Variants in PSMD14 observed in about 807,000 individuals in gnomAD.
PSMD14 encodes the protein ubiquitin C-terminal hydrolase PSMD14.
A neutral mutation model predicts 41.2 loss-of-function variants in PSMD14; 7 were observed. The ratio of observed to expected loss-of-function variants is 0.17; its 90% CI spans 0.10 to 0.32. The LOEUF is 0.32. Ranked by LOEUF, PSMD14 falls within the 10% of genes least tolerant of loss-of-function variation. The pLI is 1.00. For synonymous variants in PSMD14, 114 were observed against 122.3 expected (o/e 0.93, Z 0.45); for missense variants, 139 against 375.6 (o/e 0.37, Z 5.21).
At position 161,318,739 on chromosome 2, in the gene PSMD14, T is replaced by A. The variant is rs1689171636; in HGVS notation, c.-4-83T>A. On this transcript the variant is annotated intron_variant, in intron 2 of 11. Coordinates refer to ENST00000409682, the MANE Select transcript of PSMD14 (RefSeq NM_005805.6). ...CCACCAATATTTTTGACATACTGAG[T>A]GACTGAAGGTGAATTATATAGATAG... 1.9e-5 allele frequency: 19 copies of A among 1,025,396 alleles called. No individual in the cohort carries two copies. In the South Asian group the frequency reaches 2.5e-4, roughly 13 times the overall value. 63.5% of individuals were successfully genotyped at this position (1,025,396 alleles called of 1,614,324 possible).
At position 161,411,405 on chromosome 2, in the gene PSMD14, A is replaced by G; in HGVS notation, c.*5A>G. The G allele has an allele frequency of 1.3e-6, 2 of 1,581,042 alleles. No homozygotes were observed. Among genetic ancestry groups the G allele is most frequent in the Non-Finnish European group, 1.7e-6 (2 of 1,154,502 alleles). On this transcript the variant is annotated 3_prime_UTR_variant, in exon 12 of 12. Coordinates refer to ENST00000409682, the MANE Select transcript of PSMD14 (RefSeq NM_005805.6). ...GATACTGTCGTATTTAAATAAAGCA[A>G]CGAAAAACGCTATTAATGATGCCTT...
At chr2:161,395,963 C>T (rs1218532932) in intron 10 of PSMD14, among the ~76,000 whole-genome samples, 1 of 152,164 alleles carries the variant, frequency 6.6e-6, no homozygotes, top group African/African-American at 2.4e-5. Context: ...GTTAGAAATG[C>T]AGACTTTCAG....
intron 3 of PSMD14, among the ~76,000 whole-genome samples, chr2:161,322,287 C>T (rs1682619029): frequency 6.6e-6 from 1 of 152,072 alleles, no homozygotes; most frequent in Admixed American, 6.6e-5. Context: ...TATGTTGTTT[C>T]CAAGAGACAT....
intron 4 of PSMD14, 96 bp from the exon 5 acceptor site, chr2:161,367,688 A>G (rs1683378025): frequency 8.0e-7 from 1 of 1,255,690 alleles, no homozygotes; most frequent in East Asian, 2.6e-5. Flanking sequence ...AGGAGTTTTT[A>G]TTTTCACTGG....
rs1467217466 is a variant in PSMD14 at position 161,309,006 on chromosome 2, C to T, written c.-138+402C>T. On this transcript the variant is annotated intron_variant, in intron 1 of 11. Coordinates refer to ENST00000409682, the MANE Select transcript of PSMD14 (RefSeq NM_005805.6). ...TTCCCATTGAATACGTTTGTTTTAT[C>T]TCTTGTCCTTCCTGTAAGCCTTAAC... is the stretch of plus-strand genomic sequence containing the variant. Among the ~76,000 whole-genome samples, 6 of 152,288 alleles carry T rather than the reference C, an allele frequency of 3.9e-5. No homozygotes were observed. In the South Asian group the frequency reaches 1.2e-3, roughly 32 times the overall value.
At chr2:161,391,261 C>T (rs1921674) in intron 9 of PSMD14, 83 bp downstream of exon 9, 1,088,314 of 1,334,076 alleles carry the variant, frequency 0.82, 444,671 homozygotes, top group African/African-American at 0.93. Context: ...GATTTAAATT[C>T]GAATTTTTGA....
chr2:161,376,978 A>C (rs1309753589), intron 7 of PSMD14, among the ~76,000 whole-genome samples: 1 of 151,880 alleles, frequency 6.6e-6, no homozygotes. Context: ...ATATGTCAGC[A>C]TAGAGTCGTT....
rs1689103567 is a variant in PSMD14 at position 161,312,675 on chromosome 2, A to G, written c.-137-3762A>G. ...GATAATATTTTCCATAAAGTTAATT[A>G]TATCATGAATGAGCTTTTGAGTCTT... On this transcript the variant is annotated intron_variant, in intron 1 of 11. Transcript: ENST00000409682. Among the ~76,000 whole-genome samples, 3 of 152,260 alleles carry G rather than the reference A, an allele frequency of 2.0e-5. No homozygotes were observed. The South Asian group carries it at 6.2e-4, about 31-fold the overall frequency.
At chr2:161,356,524 T>C (rs1222792081) in intron 3 of PSMD14, among the ~76,000 whole-genome samples, 2 of 152,128 alleles carry the variant, frequency 1.3e-5, no homozygotes, top group East Asian at 3.8e-4. Context: ...TTGAGGGTTA[T>C]ATTAGATACC....
At chr2:161,347,438 C>T (rs539076022) in intron 3 of PSMD14, among the ~76,000 whole-genome samples, 34 of 152,060 alleles carry the variant, frequency 2.2e-4, no homozygotes, top group Non-Finnish European at 2.4e-4. Context: ...GCCCACTGCA[C>T]CTTATTTACT....
chr2:161,323,381 T>C (rs1188656067), intron 3 of PSMD14, among the ~76,000 whole-genome samples: 1 of 152,174 alleles, frequency 6.6e-6, no homozygotes, highest in Non-Finnish European at 1.5e-5. Flanking sequence ...ATGTTAATAT[T>C]GGCCAGGCCT....
intron 10 of PSMD14, among the ~76,000 whole-genome samples, chr2:161,399,284 T>C (rs934024063): frequency 2.0e-5 from 3 of 152,126 alleles, no homozygotes; most frequent in Non-Finnish European, 4.4e-5. Flanking sequence ...TTTGAAAAAT[T>C]TGATAACATG....
Position 161,369,972 on chromosome 2 carries a change from T to C in PSMD14, c.241-135T>C, listed in dbSNP as rs147479451. ...GCTTGATTGGTATGAGGTTTATAAT[T>C]GAATGACTTGAGTAGGTATCAAATG... On this transcript the variant is annotated intron_variant, in intron 5 of 11. Coordinates refer to ENST00000409682, the MANE Select transcript of PSMD14 (RefSeq NM_005805.6). The C allele has an allele frequency of 1.4e-4, 81 of 591,536 alleles. No homozygotes were observed. In the African/African-American group the frequency reaches 1.4e-3, roughly 10 times the overall value. The allele number at this position is 591,536 out of a possible 1,614,324, so 36.6% of individuals were successfully genotyped here.
chr2:161,402,749 C>T (rs1352240979), intron 10 of PSMD14, among the ~76,000 whole-genome samples: 1 of 151,444 alleles, frequency 6.6e-6, no homozygotes, highest in African/African-American at 2.4e-5. Flanking sequence ...AACAAGAAGA[C>T]AATCCAGTAC....
At chr2:161,337,996 A>T (rs994711329) in intron 3 of PSMD14, among the ~76,000 whole-genome samples, 2 of 152,240 alleles carry the variant, frequency 1.3e-5, no homozygotes, top group African/African-American at 4.8e-5. Context: ...ATCTAAAAAC[A>T]TTTTGTAACT....
chr2:161,367,991 AT>A (rs763954661), intron 5 of PSMD14, 88 bp downstream of exon 5: 1 of 1,382,128 alleles, frequency 7.2e-7, no homozygotes, highest in East Asian at 2.6e-5. Context: ...ATCATATTAC[AT>A]TTTCTCTTTC....
At chr2:161,391,454 C>A (rs1683710539) in intron 9 of PSMD14, among the ~76,000 whole-genome samples, 1 of 152,016 alleles carries the variant, frequency 6.6e-6, no homozygotes, top group Non-Finnish European at 1.5e-5. Flanking sequence ...AAAAATATTT[C>A]TTTTAGTTCT....
In PSMD14 at chr2:161,341,384, C is replaced by T. The variant is rs188734555; in HGVS notation, c.48+22511C>T. ...GACCCCGAGGGATCCCGCCGCGCCCCGTCCTTTGTTAATGAATTTTATGAG... is the reference window on the plus strand; with the variant it reads ...GACCCCGAGGGATCCCGCCGCGCCCTGTCCTTTGTTAATGAATTTTATGAG... On this transcript the variant is annotated intron_variant, in intron 3 of 11. Transcript: ENST00000409682. 3.4e-5 allele frequency: 29 copies of T among 854,848 alleles called. 1 individual carries two copies. The East Asian group carries it at 7.6e-4, about 22-fold the overall frequency. 53.0% of individuals were successfully genotyped at this position (854,848 alleles called of 1,614,324 possible).
intron 3 of PSMD14, among the ~76,000 whole-genome samples, chr2:161,343,549 C>T (rs1016611010): frequency 3.3e-5 from 5 of 152,144 alleles, no homozygotes; most frequent in Admixed American, 1.3e-4. Flanking sequence ...GTTTGAGGAT[C>T]GGGTACAGTG....
Sources: gnomAD v4.1 joint callset for allele counts (sites outside exome capture counted in the v4.1 genomes callset) on GRCh38, gnomAD v4.1.1 for gene constraint, MANE v1.5 for transcripts, NCBI Gene and HGNC (gene_info 2026-07-23, HGNC 2026-07-21) for gene names.